The following RELN variants were observed in gnomAD, a reference collection of about 807,000 sequenced individuals.
RELN encodes reelin.
In RELN, 108 loss-of-function variants were observed where a neutral mutation model predicts 427.6. That is an observed-to-expected ratio of 0.25 (90% CI 0.22 to 0.30). The LOEUF is 0.30. Ranked by LOEUF, RELN falls within the 10% of genes least tolerant of loss-of-function variation. RELN has a pLI of 1.00. For missense variants in RELN, 3,715 were observed against 4,302.8 expected (o/e 0.86, Z 3.82); for synonymous variants, 1,524 against 1,513.4 (o/e 1.01, Z -0.16).
At chr7:103,867,524 T>C (rs568916048) in intron 2 of RELN, among the ~76,000 whole-genome samples, 36 of 152,200 alleles carry the variant, frequency 2.4e-4, no homozygotes, top group African/African-American at 8.2e-4. Flanking sequence ...ATGCAACTAT[T>C]AAACTTACAT....
intron 31 of RELN, among the ~76,000 whole-genome samples, chr7:103,568,370 C>T (rs1295687192): frequency 6.6e-6 from 1 of 152,162 alleles, no homozygotes; most frequent in Non-Finnish European, 1.5e-5. Context: ...ATCAAACCTA[C>T]TGTATTTAAA....
intron 36 of RELN, among the ~76,000 whole-genome samples, chr7:103,560,439 T>C (rs965085603): frequency 1.3e-5 from 2 of 152,204 alleles, no homozygotes; most frequent in Non-Finnish European, 2.9e-5. Flanking sequence ...AGGGAAAATA[T>C]AAAACATTAT....
chr7:103,503,008 C>CTACT lies in RELN; in HGVS notation c.8489+4_8489+7dup. The stretch of plus-strand genomic sequence containing the variant: ...TGGAACCAGGCTTTGTTTTAGTTTT[C>CTACT]TACTTACTTTCCCACTAAGCTTTCA... On this transcript the variant is annotated splice_region_variant and intron_variant, in intron 52 of 64. Transcript: ENST00000428762. 1 of 1,611,912 alleles carries CTACT rather than the reference C, an allele frequency of 6.2e-7. No individual in the cohort carries two copies. Among genetic ancestry groups the CTACT allele is most frequent in the Non-Finnish European group, 8.5e-7 (1 of 1,178,096 alleles).
At chr7:103,860,780 TATC>T (rs927833685) in intron 2 of RELN, among the ~76,000 whole-genome samples, 3 of 152,212 alleles carry the variant, frequency 2.0e-5, no homozygotes, top group South Asian at 4.1e-4. Context: ...AGCAATGTAT[TATC>T]ATCATCATCA....
In RELN at chr7:103,882,458, A is replaced by AT. The variant is rs200659081; in HGVS notation, c.337+34616dup. ...AGTTCTCATCAATTTGGGTCCGTAAATTTTTTTTTATTTTTTGTATTTATC... is the reference window on the plus strand; with the variant it reads ...AGTTCTCATCAATTTGGGTCCGTAAATTTTTTTTTTATTTTTTGTATTTATC... On this transcript the variant is annotated intron_variant, in intron 2 of 64. Transcript: ENST00000428762. Among the ~76,000 whole-genome samples, 610 of 151,800 alleles carry AT rather than the reference A, an allele frequency of 4.0e-3. 23 individuals carry two copies. In the East Asian group the frequency reaches 0.072, roughly 18 times the overall value.
intron 50 of RELN, chr7:103,512,961 G>A (rs1265926730): frequency 6.6e-6 from 1 of 152,114 alleles, no homozygotes; most frequent in Non-Finnish European, 1.5e-5. Context: ...GAGTATATAT[G>A]CCGCACAACA....
intron 3 of RELN, among the ~76,000 whole-genome samples, chr7:103,812,367 T>G (rs1792765294): frequency 6.6e-6 from 1 of 152,164 alleles, no homozygotes; most frequent in Non-Finnish European, 1.5e-5. Context: ...TCCTGCCCCC[T>G]CAACTCAGAA....
chr7:103,772,771 T>C (rs1263034533), intron 4 of RELN, among the ~76,000 whole-genome samples: 1 of 151,982 alleles, frequency 6.6e-6, no homozygotes, highest in Non-Finnish European at 1.5e-5. Flanking sequence ...AAGGTAAAAA[T>C]GAGAGGATGA....
intron 43 of RELN, among the ~76,000 whole-genome samples, 173 bp downstream of exon 43, chr7:103,542,558 G>T (rs1023063542): frequency 3.9e-4 from 59 of 152,096 alleles, no homozygotes; most frequent in African/African-American, 1.3e-3. Flanking sequence ...TTCAATTTTA[G>T]AATAGAAATT....
chr7:103,645,388 A>G (rs1203968131), intron 16 of RELN, among the ~76,000 whole-genome samples: 2 of 151,816 alleles, frequency 1.3e-5, no homozygotes, highest in Non-Finnish European at 2.9e-5. Context: ...AAAAAATCCC[A>G]CCTAACTGGT....
intron 48 of RELN, among the ~76,000 whole-genome samples, chr7:103,521,024 C>A (rs1829696057): frequency 8.2e-6 from 1 of 121,822 alleles, no homozygotes; most frequent in South Asian, 2.7e-4. Flanking sequence ...GGCGGGACTG[C>A]GGACTGCAGT....
At chr7:103,671,458 C>T (rs921408414) in intron 11 of RELN, among the ~76,000 whole-genome samples, 6 of 152,070 alleles carry the variant, frequency 3.9e-5, no homozygotes, top group African/African-American at 1.4e-4. Context: ...TAATAAGACA[C>T]TAATATAACC....
At chr7:103,876,591 A>G (rs1027607958) in intron 2 of RELN, among the ~76,000 whole-genome samples, 1 of 152,204 alleles carries the variant, frequency 6.6e-6, no homozygotes, top group African/African-American at 2.4e-5. Context: ...CTAAGCATTA[A>G]TAGGGTAAAG....
rs532226410 is a variant in RELN at position 103,739,789 on chromosome 7, G to C, written c.656+9637C>G. On this transcript the variant is annotated intron_variant, in intron 6 of 64. Coordinates refer to ENST00000428762, the MANE Select transcript of RELN (RefSeq NM_005045.4). ...GCCCCAGAGAGATCTAGGAGGCAAA[G>C]AGTAGAAGGAATCTATGCTCTGCAT... Among the ~76,000 whole-genome samples, 6 of 152,328 alleles carry C rather than the reference G, an allele frequency of 3.9e-5. No homozygotes were observed. In the East Asian group the frequency reaches 1.2e-3, roughly 29 times the overall value.
intron 2 of RELN, among the ~76,000 whole-genome samples, chr7:103,883,950 A>G (rs1195265790): frequency 1.3e-5 from 2 of 152,168 alleles, no homozygotes; most frequent in African/African-American, 4.8e-5. Flanking sequence ...TTCAGATGGA[A>G]CCAAAAAAAG....
chr7:103,952,914 T>C lies in RELN; in HGVS notation c.227-35729A>G, dbSNP rs189681582. On this transcript the variant is annotated intron_variant, in intron 1 of 64. Coordinates refer to ENST00000428762, the MANE Select transcript of RELN (RefSeq NM_005045.4). ...ATCTTTACTAACCGGGAAAACGGTA[T>C]TTTAACATGGAAATAGTCTCTGGCC... 2.3e-3 allele frequency among the ~76,000 whole-genome samples: 344 copies of C among 152,322 alleles called. 2 individuals carry two copies. The highest frequency in any genetic ancestry group is 8.1e-3 in the African/African-American group (335 of 41,566).
intron 45 of RELN, among the ~76,000 whole-genome samples, 168 bp from the exon 46 acceptor site, chr7:103,535,652 C>G (rs1830032759): frequency 6.6e-6 from 1 of 152,064 alleles, no homozygotes; most frequent in African/African-American, 2.4e-5. Context: ...ATTTTTCTCT[C>G]TGTATATTAC....
Position 103,593,113 on chromosome 7 carries a change from T to C in RELN, c.3912+569A>G, listed in dbSNP as rs76025034. On this transcript the variant is annotated intron_variant, in intron 27 of 64. Coordinates refer to ENST00000428762, the MANE Select transcript of RELN (RefSeq NM_005045.4). ...ACCCCAGAAGTCACCTATGGGATTTTATTATAAACACAATGAAATTTTGAT... is the reference window on the plus strand; with the variant it reads ...ACCCCAGAAGTCACCTATGGGATTTCATTATAAACACAATGAAATTTTGAT... 7.9e-3 allele frequency among the ~76,000 whole-genome samples: 1,203 copies of C among 152,312 alleles called. 20 individuals are homozygous for C. The highest frequency in any genetic ancestry group is 0.026 in the African/African-American group (1,080 of 41,574).
At chr7:103,797,375 G>T (rs117212002) in intron 3 of RELN, among the ~76,000 whole-genome samples, 9,260 of 152,210 alleles carry the variant, frequency 0.061, 485 homozygotes, top group African/African-American at 0.15. Context: ...AAAGTAGTGG[G>T]ATTACAGGTG....
Sources: gnomAD v4.1 joint callset for allele counts (sites outside exome capture counted in the v4.1 genomes callset) on GRCh38, gnomAD v4.1.1 for gene constraint, MANE v1.5 for transcripts, NCBI Gene and HGNC (gene_info 2026-07-23, HGNC 2026-07-21) for gene names.